RANBP17: variants seen among roughly 807,000 people sequenced by gnomAD.
RANBP17 encodes the protein RAN binding protein 17.
RANBP17 carries 158 observed loss-of-function variants against 141.2 expected under a neutral mutation model. The observed-to-expected ratio is 1.12, with a 90% confidence interval of 0.98 to 1.28. The LOEUF (loss-of-function observed/expected upper bound fraction) is 1.28. Among genes scored for constraint, RANBP17 ranks in the 50% most tolerant of loss-of-function variants. The pLI is 0.00. For missense variants in RANBP17, 1,438 were observed against 1,290.7 expected (o/e 1.11, Z -1.75); for synonymous variants, 430 against 450.0 (o/e 0.96, Z 0.56).
At chr5:171,213,894 T>C (rs922131661) in intron 21 of RANBP17, among the ~76,000 whole-genome samples, 156 bp downstream of exon 21, 1 of 152,090 alleles carries the variant, frequency 6.6e-6, no homozygotes, top group African/African-American at 2.4e-5. Context: ...ATTAGAGACA[T>C]ACGATTGAGG....
At chr5:171,046,183 C>G (rs1782571393) in intron 14 of RANBP17, among the ~76,000 whole-genome samples, 1 of 150,442 alleles carries the variant, frequency 6.6e-6, no homozygotes, top group South Asian at 2.1e-4. Flanking sequence ...ATTTTTTACC[C>G]TATTCATGCC....
intron 20 of RANBP17, 196 bp downstream of exon 20, chr5:171,205,808 A>T: frequency 1.5e-6 from 1 of 681,712 alleles, no homozygotes; most frequent in Non-Finnish European, 2.7e-6. Flanking sequence ...CAGCTCAGAG[A>T]AGTCACTTTT....
At chr5:171,266,570 C>T (rs1023070016) in intron 25 of RANBP17, among the ~76,000 whole-genome samples, 1 of 152,038 alleles carries the variant, frequency 6.6e-6, no homozygotes, top group Non-Finnish European at 1.5e-5. Context: ...ATTGCTTGAG[C>T]CCAGAAGTTC....
Position 171,163,861 on chromosome 5 carries a change from T to C in RANBP17, c.1711-6269T>C, listed in dbSNP as rs78344595. 8.2e-3 allele frequency among the ~76,000 whole-genome samples: 1,243 copies of C among 152,304 alleles called. 25 individuals are homozygous for C. The highest frequency in any genetic ancestry group is 0.08 in the South Asian group (386 of 4,822). The stretch of plus-strand genomic sequence containing the variant: ...GGCAAAATACTTTGTTGTTGACTTC[T>C]ACTGCACTGTTAATTTTCTGCATTG... On this transcript the variant is annotated intron_variant, in intron 14 of 27. Coordinates refer to ENST00000523189, the MANE Select transcript of RANBP17 (RefSeq NM_022897.5).
chr5:170,917,626 A>G (rs1174760777), intron 9 of RANBP17, among the ~76,000 whole-genome samples: 2 of 152,156 alleles, frequency 1.3e-5, no homozygotes, highest in East Asian at 3.8e-4. Context: ...TTTATGGGTT[A>G]TGCATTTATT....
intron 14 of RANBP17, among the ~76,000 whole-genome samples, chr5:171,001,976 G>A (rs567236816): frequency 7.2e-5 from 11 of 152,132 alleles, no homozygotes; most frequent in Middle Eastern, 3.4e-3. Context: ...TCAATTTGCT[G>A]GTCCTGGGCA....
At chr5:171,043,105 A>C (rs1782358975) in intron 14 of RANBP17, among the ~76,000 whole-genome samples, 1 of 152,208 alleles carries the variant, frequency 6.6e-6, no homozygotes, top group Non-Finnish European at 1.5e-5. Context: ...GACTGACTAC[A>C]GTATTTTCAT....
intron 14 of RANBP17, among the ~76,000 whole-genome samples, chr5:171,037,356 G>A (rs1781949176): frequency 6.6e-6 from 1 of 151,762 alleles, no homozygotes; most frequent in African/African-American, 2.4e-5. Context: ...GACTTCTGTT[G>A]TATGTATAGG....
intron 22 of RANBP17, among the ~76,000 whole-genome samples, chr5:171,236,666 ATT>A (rs1329639155): frequency 6.6e-6 from 1 of 152,032 alleles, no homozygotes; most frequent in Non-Finnish European, 1.5e-5. Context: ...AGTACTGTGT[ATT>A]GTCATAGTTT....
At chr5:171,234,225 G>C (rs1581085530) in intron 22 of RANBP17, among the ~76,000 whole-genome samples, 1 of 152,256 alleles carries the variant, frequency 6.6e-6, no homozygotes, top group East Asian at 1.9e-4. Flanking sequence ...CTAGGCTGAG[G>C]AAACAGCAAG....
intron 14 of RANBP17, among the ~76,000 whole-genome samples, chr5:171,062,296 A>T (rs1783937810): frequency 6.6e-6 from 1 of 152,162 alleles, no homozygotes; most frequent in Non-Finnish European, 1.5e-5. Context: ...GGCGGCTGGT[A>T]CCGGTTGTTC....
At chr5:171,063,160 C>T (rs1404755806) in intron 14 of RANBP17, among the ~76,000 whole-genome samples, 4 of 152,222 alleles carry the variant, frequency 2.6e-5, no homozygotes, top group African/African-American at 7.2e-5. Context: ...TCTCTCAACT[C>T]GTCAAACTCA....
intron 14 of RANBP17, among the ~76,000 whole-genome samples, chr5:171,009,775 A>G (rs1779900586): frequency 6.6e-6 from 1 of 152,218 alleles, no homozygotes; most frequent in South Asian, 2.1e-4. Context: ...TCAAGTAACC[A>G]TCTTGCTGAT....
At chr5:171,042,758 T>A (rs552141834) in intron 14 of RANBP17, among the ~76,000 whole-genome samples, 1 of 152,266 alleles carries the variant, frequency 6.6e-6, no homozygotes, top group East Asian at 1.9e-4. Flanking sequence ...ACCCATTTAA[T>A]GATTGTAATA....
At chr5:171,050,484 A>G (rs1472320327) in intron 14 of RANBP17, among the ~76,000 whole-genome samples, 1 of 152,078 alleles carries the variant, frequency 6.6e-6, no homozygotes, top group Non-Finnish European at 1.5e-5. Context: ...CACTTTGGAG[A>G]CCAGTGCGGG....
chr5:170,932,944 T>A (rs1773523268), intron 12 of RANBP17, among the ~76,000 whole-genome samples: 1 of 152,192 alleles, frequency 6.6e-6, no homozygotes, highest in Admixed American at 6.5e-5. Flanking sequence ...TTAGGGAGGA[T>A]TCCCTCTTTT....
intron 27 of RANBP17, among the ~76,000 whole-genome samples, chr5:171,298,234 A>G (rs1314550758): frequency 6.6e-6 from 1 of 152,102 alleles, no homozygotes; most frequent in Non-Finnish European, 1.5e-5. Context: ...GTATTCATCC[A>G]ATATCACCGG....
At chr5:171,272,059 G>A (rs970680171) in intron 25 of RANBP17, among the ~76,000 whole-genome samples, 1 of 152,154 alleles carries the variant, frequency 6.6e-6, no homozygotes, top group Non-Finnish European at 1.5e-5. Flanking sequence ...GGATGGAGCT[G>A]GAGGCTATTA....
In RANBP17 at chr5:171,267,799, C is replaced by CA. The variant is rs950012953; in HGVS notation, c.2943+1962dup. Among the ~76,000 whole-genome samples, 296 of 140,496 alleles carry CA rather than the reference C, an allele frequency of 2.1e-3. 2 individuals carry two copies. Among genetic ancestry groups the CA allele is most frequent in the African/African-American group, 6.8e-3 (257 of 37,924 alleles). The allele number at this position is 140,496 out of a possible 152,430, so 92.2% of individuals were successfully genotyped here. A position where few individuals can be genotyped will look rare whatever the true frequency, so the allele number is the denominator to read the frequency against. ...CCAGCTTGGCGACAGAGCTCCATCT[C>CA]AAAAAAAAAAGAAAAAGAAAAAGAA... is the stretch of plus-strand genomic sequence containing the variant. On this transcript the variant is annotated intron_variant, in intron 25 of 27. Coordinates refer to ENST00000523189, the MANE Select transcript of RANBP17 (RefSeq NM_022897.5).
Sources: allele counts gnomAD v4.1 joint callset (sites outside exome capture counted in the v4.1 genomes callset), GRCh38; gene constraint gnomAD v4.1.1; transcripts MANE v1.5; gene names NCBI Gene and HGNC (gene_info 2026-07-23, HGNC 2026-07-21).